KCNIP4: variants seen among roughly 807,000 people sequenced by gnomAD.
KCNIP4 encodes the protein Kv channel-interacting protein 4.
KCNIP4 carries 12 observed loss-of-function variants against 34.0 expected under a neutral mutation model. The observed-to-expected ratio is 0.35, with a 90% CI of 0.23 to 0.57. The LOEUF (loss-of-function observed/expected upper bound fraction) is 0.57, where lower values mean the gene tolerates loss of function less well. Ranked by LOEUF, KCNIP4 falls within the 20% of genes least tolerant of loss-of-function variation. The probability of loss-of-function intolerance (pLI) is 0.83; values close to 1 mark genes in which losing one functional copy is unlikely to be tolerated. For missense variants in KCNIP4, 238 were observed against 311.7 expected (o/e 0.76, Z 1.78); for synonymous variants, 124 against 102.2 (o/e 1.21, Z -1.29).
intron 1 of KCNIP4, among the ~76,000 whole-genome samples, chr4:21,732,684 G>C (rs1292682450): frequency 9.5e-6 from 1 of 104,880 alleles, no homozygotes. Flanking sequence ...TGGGGTATTC[G>C]GTCTTGCCTC....
chr4:21,804,414 C>T, intron 1 of KCNIP4, among the ~76,000 whole-genome samples: 1 of 152,184 alleles, frequency 6.6e-6, no homozygotes, highest in East Asian at 1.9e-4. Context: ...GATGAACAAA[C>T]ACTGAATTAG....
intron 1 of KCNIP4, among the ~76,000 whole-genome samples, chr4:21,725,606 A>T (rs1317959364): frequency 6.6e-6 from 1 of 152,154 alleles, no homozygotes; most frequent in Non-Finnish European, 1.5e-5. Context: ...TTGCATTAGT[A>T]TATCTGAAGC....
At chr4:21,189,347 T>C (rs1408430444) in intron 1 of KCNIP4, among the ~76,000 whole-genome samples, 1 of 152,210 alleles carries the variant, frequency 6.6e-6, no homozygotes, top group Non-Finnish European at 1.5e-5. Context: ...CAGCTCCTGG[T>C]CCTTTTTAAA....
At chr4:21,238,366 G>C (rs1296127900) in intron 1 of KCNIP4, among the ~76,000 whole-genome samples, 1 of 152,168 alleles carries the variant, frequency 6.6e-6, no homozygotes, top group Non-Finnish European at 1.5e-5. Flanking sequence ...CATAATGTTG[G>C]AAGTGCTGGC....
At chr4:21,510,533 C>T (rs1008943980) in intron 1 of KCNIP4, among the ~76,000 whole-genome samples, 2 of 152,072 alleles carry the variant, frequency 1.3e-5, no homozygotes, top group South Asian at 2.1e-4. Context: ...TAAATGATTC[C>T]TTTTTGTTCT....
chr4:20,938,818 T>A (rs1731346419), intron 1 of KCNIP4, among the ~76,000 whole-genome samples: 1 of 152,204 alleles, frequency 6.6e-6, no homozygotes, highest in Non-Finnish European at 1.5e-5. Flanking sequence ...CAGTCCCAAA[T>A]AAAAGACACA....
intron 1 of KCNIP4, among the ~76,000 whole-genome samples, chr4:21,279,885 C>CAACATCTCA (rs1305516031): frequency 2.0e-5 from 3 of 152,086 alleles, no homozygotes; most frequent in African/African-American, 7.2e-5. Flanking sequence ...TGTTAAGATA[C>CAACATCTCA]AACATCTCAC....
At chr4:21,625,826 T>C (rs1164420431) in intron 1 of KCNIP4, among the ~76,000 whole-genome samples, 1 of 152,178 alleles carries the variant, frequency 6.6e-6, no homozygotes, top group Non-Finnish European at 1.5e-5. Flanking sequence ...AGCAAATCAT[T>C]ACACTGTTCA....
At chr4:21,668,691 G>C (rs1181397300) in intron 1 of KCNIP4, among the ~76,000 whole-genome samples, 1 of 151,942 alleles carries the variant, frequency 6.6e-6, no homozygotes, top group African/African-American at 2.4e-5. Context: ...ATCCACAAAA[G>C]TATTCAAATA....
intron 1 of KCNIP4, among the ~76,000 whole-genome samples, chr4:21,552,440 C>T (rs1303994777): frequency 6.6e-6 from 1 of 152,076 alleles, no homozygotes; most frequent in East Asian, 1.9e-4. Context: ...ACCAGTCTTG[C>T]CTTACAAGAA....
chr4:21,527,236 CA>C (rs1340671393), intron 1 of KCNIP4, among the ~76,000 whole-genome samples: 1 of 152,104 alleles, frequency 6.6e-6, no homozygotes, highest in African/African-American at 2.4e-5. Flanking sequence ...AACATAAATA[CA>C]AAACTGAATA....
At chr4:20,931,547 T>C (rs536555694) in intron 1 of KCNIP4, among the ~76,000 whole-genome samples, 103 of 152,122 alleles carry the variant, frequency 6.8e-4, no homozygotes, top group Admixed American at 2.5e-3. Context: ...CTGCACACAA[T>C]TGTAACACAA....
In KCNIP4 at chr4:21,635,075, A is replaced by G. The variant is rs553205969; in HGVS notation, c.61+313496T>C. Among the ~76,000 whole-genome samples the G allele has an allele frequency of 5.3e-5, 8 of 152,302 alleles. No homozygotes were observed. In the East Asian group the frequency reaches 5.8e-4, roughly 11 times the overall value. ...TCTAAAATTCTATCTTCTTTTGTCA[A>G]AACAATATAACACAAATATAAAGTT... On this transcript the variant is annotated intron_variant, in intron 1 of 8. Coordinates refer to ENST00000382152, the MANE Select transcript of KCNIP4 (RefSeq NM_025221.6).
intron 1 of KCNIP4, among the ~76,000 whole-genome samples, chr4:21,181,629 A>C (rs1754851845): frequency 6.6e-6 from 1 of 152,122 alleles, no homozygotes. Flanking sequence ...TTCATGTAAT[A>C]GGTAGGGCTA....
At chr4:20,743,814 A>G (rs1316080362) in intron 5 of KCNIP4, among the ~76,000 whole-genome samples, 2 of 152,260 alleles carry the variant, frequency 1.3e-5, no homozygotes, top group African/African-American at 4.8e-5. Flanking sequence ...AAAAGAAACT[A>G]CCATCAGAGT....
chr4:21,205,471 G>A (rs1232241282), intron 1 of KCNIP4, among the ~76,000 whole-genome samples: 1 of 152,162 alleles, frequency 6.6e-6, no homozygotes, highest in Non-Finnish European at 1.5e-5. Flanking sequence ...TTTCACAACT[G>A]TGTAAGCCAG....
intron 1 of KCNIP4, among the ~76,000 whole-genome samples, chr4:21,234,512 G>A (rs1479686806): frequency 1.9e-4 from 17 of 89,394 alleles, no homozygotes; most frequent in East Asian, 6.1e-4. Context: ...TACATATAAC[G>A]TATATAATAT....
At chr4:20,959,650 C>A (rs1733656621) in intron 1 of KCNIP4, among the ~76,000 whole-genome samples, 1 of 152,192 alleles carries the variant, frequency 6.6e-6, no homozygotes, top group African/African-American at 2.4e-5. Context: ...GTTGCTCTAT[C>A]TTTTGTTTTA....
intron 1 of KCNIP4, among the ~76,000 whole-genome samples, chr4:21,342,299 G>A (rs1050864129): frequency 6.6e-6 from 1 of 152,044 alleles, no homozygotes; most frequent in Non-Finnish European, 1.5e-5. Flanking sequence ...CAAAAGAATA[G>A]ATTCATCCCC....
Sources: gnomAD v4.1 joint callset for allele counts (sites outside exome capture counted in the v4.1 genomes callset) on GRCh38, gnomAD v4.1.1 for gene constraint, MANE v1.5 for transcripts, NCBI Gene and HGNC (gene_info 2026-07-23, HGNC 2026-07-21) for gene names.